Variants in GUCY1A2 observed in about 807,000 individuals in gnomAD.
The protein encoded by GUCY1A2 is guanylate cyclase soluble subunit alpha-2.
Under a neutral mutation model 63.5 loss-of-function variants are expected in GUCY1A2, and 27 were observed. That is an observed-to-expected ratio of 0.43 (90% CI 0.31 to 0.59). GUCY1A2 has a LOEUF of 0.59. Ranked by LOEUF, GUCY1A2 falls within the 20% of genes least tolerant of loss-of-function variation. GUCY1A2 has a pLI of 0.11. For missense variants in GUCY1A2, 768 were observed against 913.3 expected (o/e 0.84, Z 2.05); for synonymous variants, 364 against 343.5 (o/e 1.06, Z -0.66).
chr11:106,949,805 G>A (rs1237319945), intron 3 of GUCY1A2, among the ~76,000 whole-genome samples: 2 of 152,154 alleles, frequency 1.3e-5, no homozygotes, highest in African/African-American at 4.8e-5. Context: ...ACAAACTATG[G>A]AGTTTTAGAG....
At chr11:106,933,199 A>C (rs1591332956) in intron 4 of GUCY1A2, among the ~76,000 whole-genome samples, 3 of 152,206 alleles carry the variant, frequency 2.0e-5, no homozygotes, top group Admixed American at 2.0e-4. Context: ...AAATATTCAT[A>C]AACTATGCAT....
intron 1 of GUCY1A2, among the ~76,000 whole-genome samples, chr11:106,996,246 GA>G (rs554322030): frequency 4.1e-4 from 63 of 152,242 alleles, no homozygotes; most frequent in Admixed American, 2.1e-3. Context: ...CAACCCATAG[GA>G]AAAAGAAGGG....
At chr11:106,962,572 AGAAAT>A (rs1449577162) in intron 3 of GUCY1A2, among the ~76,000 whole-genome samples, 1 of 148,450 alleles carries the variant, frequency 6.7e-6, no homozygotes, top group Non-Finnish European at 1.5e-5. Flanking sequence ...AAAAAAAACT[AGAAAT>A]GAAAGTCTGT....
At chr11:106,897,833 G>A (rs1860072676) in intron 4 of GUCY1A2, among the ~76,000 whole-genome samples, 2 of 151,982 alleles carry the variant, frequency 1.3e-5, no homozygotes, top group East Asian at 1.9e-4. Flanking sequence ...AAGGCATGAT[G>A]TATTTAAAAA....
chr11:106,776,606 T>G (rs759653939), intron 5 of GUCY1A2, 24 bp from the exon 6 acceptor site: 8 of 1,606,556 alleles, frequency 5.0e-6, no homozygotes, highest in Non-Finnish European at 6.8e-6. Context: ...ACAAATCAAA[T>G]GCAAACGTAT....
chr11:107,013,692 C>T (rs563867923), intron 1 of GUCY1A2, among the ~76,000 whole-genome samples: 76 of 151,788 alleles, frequency 5.0e-4, no homozygotes, highest in Non-Finnish European at 8.1e-4. Flanking sequence ...GGATTACAGG[C>T]GTGCATCATC....
intron 7 of GUCY1A2, among the ~76,000 whole-genome samples, chr11:106,692,783 G>C (rs1281964435): frequency 1.3e-5 from 2 of 152,166 alleles, no homozygotes; most frequent in South Asian, 2.1e-4. Context: ...AGAAGACTGA[G>C]AGGGAAACAA....
At chr11:106,840,305 C>A (rs1859178891) in intron 4 of GUCY1A2, among the ~76,000 whole-genome samples, 1 of 151,836 alleles carries the variant, frequency 6.6e-6, no homozygotes, top group South Asian at 2.1e-4. Context: ...CATGGAGAAA[C>A]ATATGATTGA....
chr11:106,972,574 C>A (rs1420634036), intron 3 of GUCY1A2, among the ~76,000 whole-genome samples: 3 of 152,044 alleles, frequency 2.0e-5, no homozygotes, highest in Non-Finnish European at 4.4e-5. Flanking sequence ...AGAAAAAGGA[C>A]TGCCATGTTC....
intron 3 of GUCY1A2, among the ~76,000 whole-genome samples, chr11:106,943,460 A>G (rs1860777799): frequency 1.3e-5 from 2 of 152,236 alleles, no homozygotes; most frequent in African/African-American, 2.4e-5. Flanking sequence ...ACCTCTTTAA[A>G]AAGGTGAATA....
At chr11:107,000,388 T>C (rs1242979940) in intron 1 of GUCY1A2, among the ~76,000 whole-genome samples, 1 of 151,978 alleles carries the variant, frequency 6.6e-6, no homozygotes, top group African/African-American at 2.4e-5. Context: ...TATCTAAGGT[T>C]TACTCTTTCC....
At chr11:106,766,979 TAA>T (rs1864175537) in intron 6 of GUCY1A2, among the ~76,000 whole-genome samples, 1 of 151,980 alleles carries the variant, frequency 6.6e-6, no homozygotes, top group Non-Finnish European at 1.5e-5. Flanking sequence ...GTCAGATAAA[TAA>T]AAACACGAGC....
At chr11:106,722,526 A>G (rs774098560) in intron 6 of GUCY1A2, among the ~76,000 whole-genome samples, 1 of 152,114 alleles carries the variant, frequency 6.6e-6, no homozygotes, top group Non-Finnish European at 1.5e-5. Flanking sequence ...ACAAAATAAA[A>G]GAATAATAGA....
At chr11:106,751,096 G>A (rs1218992018) in intron 6 of GUCY1A2, among the ~76,000 whole-genome samples, 1 of 152,030 alleles carries the variant, frequency 6.6e-6, no homozygotes, top group Admixed American at 6.6e-5. Flanking sequence ...TTGTCACTGT[G>A]TAAAATGTAT....
intron 4 of GUCY1A2, among the ~76,000 whole-genome samples, chr11:106,845,705 G>A (rs1338671945): frequency 1.3e-5 from 2 of 151,474 alleles, no homozygotes; most frequent in African/African-American, 2.4e-5. Flanking sequence ...TCATAGTTGT[G>A]CTTAAGAAGA....
chr11:106,840,305 CAT>C (rs1254796303), intron 4 of GUCY1A2, among the ~76,000 whole-genome samples: 2 of 151,836 alleles, frequency 1.3e-5, no homozygotes, highest in African/African-American at 4.8e-5. Flanking sequence ...CATGGAGAAA[CAT>C]ATGATTGACA....
At chr11:106,893,366 G>C (rs1255572562) in intron 4 of GUCY1A2, among the ~76,000 whole-genome samples, 2 of 152,006 alleles carry the variant, frequency 1.3e-5, no homozygotes, top group Non-Finnish European at 2.9e-5. Flanking sequence ...TGGAAGGAAA[G>C]AGAAAATAAT....
intron 5 of GUCY1A2, among the ~76,000 whole-genome samples, chr11:106,798,093 T>A (rs575503698): frequency 6.6e-6 from 1 of 152,032 alleles, no homozygotes; most frequent in Non-Finnish European, 1.5e-5. Context: ...TCACCACCAA[T>A]CCCACAGAAA....
chr11:106,863,286 T>C, intron 4 of GUCY1A2, among the ~76,000 whole-genome samples: 1 of 152,182 alleles, frequency 6.6e-6, no homozygotes, highest in South Asian at 2.1e-4. Flanking sequence ...TAGATTTAAG[T>C]CTTTAATCCA....
Sources: gnomAD v4.1 joint callset for allele counts (sites outside exome capture counted in the v4.1 genomes callset) on GRCh38, gnomAD v4.1.1 for gene constraint, MANE v1.5 for transcripts, NCBI Gene and HGNC (gene_info 2026-07-23, HGNC 2026-07-21) for gene names.